The following UBE2U variants were observed in gnomAD, a reference collection of about 807,000 sequenced individuals.
The protein encoded by UBE2U is ubiquitin conjugating enzyme E2 U.
Under a neutral mutation model 41.2 loss-of-function variants are expected in UBE2U, and 39 were observed. The observed-to-expected ratio is 0.95, with a 90% CI of 0.73 to 1.24. The LOEUF (loss-of-function observed/expected upper bound fraction) is 1.24. Among genes scored for constraint, UBE2U ranks in the 50% most tolerant of loss-of-function variants. The pLI, the probability that UBE2U is intolerant of heterozygous loss-of-function variation, is 0.00. For missense variants in UBE2U, 336 were observed against 363.1 expected (o/e 0.93, Z 0.61); for synonymous variants, 107 against 117.8 (o/e 0.91, Z 0.60).
At chr1:64,221,370 C>T (rs924196981) in intron 6 of UBE2U, among the ~76,000 whole-genome samples, 1 of 152,152 alleles carries the variant, frequency 6.6e-6, no homozygotes, top group Non-Finnish European at 1.5e-5. Flanking sequence ...GCCTCGGCCT[C>T]CCAAAGTGCT....
chr1:64,240,616 A>C (rs1311379453), intron 7 of UBE2U, among the ~76,000 whole-genome samples: 1 of 152,212 alleles, frequency 6.6e-6, no homozygotes, highest in African/African-American at 2.4e-5. Flanking sequence ...CAAGGTCTTT[A>C]ATGTCATTTC....
chr1:64,227,422 C>T (rs825178), intron 6 of UBE2U, among the ~76,000 whole-genome samples: 47,098 of 152,066 alleles, frequency 0.31, 7,620 homozygotes, highest in Middle Eastern at 0.41. Flanking sequence ...TTAGCAAAGA[C>T]TCATGGTATA....
chr1:64,251,183 T>C (rs1462845887), intron 8 of UBE2U, among the ~76,000 whole-genome samples: 1 of 150,720 alleles, frequency 6.6e-6, no homozygotes, highest in Non-Finnish European at 1.5e-5. Flanking sequence ...AATCTAAATA[T>C]ATATATAACA....
intron 9 of UBE2U, among the ~76,000 whole-genome samples, chr1:64,263,801 G>T (rs535678893): frequency 6.6e-6 from 1 of 152,248 alleles, no homozygotes; most frequent in African/African-American, 2.4e-5. Context: ...GGCATGGCGG[G>T]TTCCTCAGAT....
chr1:64,225,090 T>C (rs1303054654), intron 6 of UBE2U, among the ~76,000 whole-genome samples: 1 of 152,178 alleles, frequency 6.6e-6, no homozygotes, highest in Non-Finnish European at 1.5e-5. Flanking sequence ...CTAGTAATAA[T>C]GGTACTGATT....
At chr1:64,208,485 G>T (rs1569946506) in intron 3 of UBE2U, among the ~76,000 whole-genome samples, 1 of 151,420 alleles carries the variant, frequency 6.6e-6, no homozygotes, top group South Asian at 2.1e-4. Context: ...TGTGCCTGTA[G>T]TCCCAGCTAC....
intron 5 of UBE2U, among the ~76,000 whole-genome samples, chr1:64,215,778 C>T (rs1162084884): frequency 6.6e-6 from 1 of 152,192 alleles, no homozygotes; most frequent in Non-Finnish European, 1.5e-5. Flanking sequence ...CCAGCAGCCT[C>T]GTTATGACTC....
chr1:64,206,685 A>G, intron 2 of UBE2U, 79 bp from the exon 3 acceptor site: 1 of 846,756 alleles, frequency 1.2e-6, no homozygotes, highest in East Asian at 2.7e-5. Flanking sequence ...AACCATAGGG[A>G]GAAACTCCAG....
chr1:64,254,583 C>T (rs916781266), intron 8 of UBE2U, among the ~76,000 whole-genome samples: 2 of 152,090 alleles, frequency 1.3e-5, no homozygotes, highest in Non-Finnish European at 2.9e-5. Flanking sequence ...CAAATTAGAA[C>T]TCAAGATTAA....
rs1383435960 is a variant in UBE2U at position 64,260,693 on chromosome 1, A to T, written c.768A>T (p.Leu256=). 2.6e-6 allele frequency: 4 copies of T among 1,547,068 alleles called. No homozygotes were observed. In the East Asian group the frequency reaches 9.8e-5, roughly 38 times the overall value. ...AAGAAATTAAGCTCTGCCCAACTCT[A>T]AGTAAATCGATTCACTCTATTTGTT... The part of the protein sequence containing the change: ...SMEEIKLCPT[L]NEIFLESPTA... Residue 256 remains leucine, a splice_region_variant and synonymous_variant, in exon 9 of 10, where the codon CTA becomes CTT. Coordinates refer to ENST00000371077, the MANE Select transcript of UBE2U (RefSeq NM_001366232.2).
chr1:64,259,251 A>C (rs1305614302), intron 8 of UBE2U, among the ~76,000 whole-genome samples: 1 of 152,038 alleles, frequency 6.6e-6, no homozygotes, highest in Non-Finnish European at 1.5e-5. Context: ...GGTTGCAAAA[A>C]TGTTCTCCCA....
intron 4 of UBE2U, among the ~76,000 whole-genome samples, chr1:64,212,729 G>A (rs1651735906): frequency 6.6e-6 from 1 of 152,108 alleles, no homozygotes; most frequent in African/African-American, 2.4e-5. Context: ...ATACTCCAGT[G>A]AGCATTTCCT....
chr1:64,220,892 C>T lies in UBE2U; in HGVS notation c.491C>T (p.Pro164Leu), dbSNP rs780051932. The T allele has an allele frequency of 1.2e-6, 2 of 1,604,402 alleles. No individual in the cohort carries two copies. The highest frequency in any genetic ancestry group is 1.7e-5 in the Admixed American group (1 of 57,626). The change falls in exon 6 of 10, where the codon CCA (proline) becomes CTA (leucine). Residue 164 changes from proline to leucine, a missense_variant. Transcript: ENST00000371077. ...GACAGCCAGGAGTTACCTAAAGACC[C>T]ACGTAAATGTATCAGGTAAGTTTTT... Reference protein sequence around the residue: ...KDDSQELPKDPRKCIRPIKTT... With the variant: ...KDDSQELPKDLRKCIRPIKTT...
At chr1:64,240,422 G>A (rs557968694) in intron 7 of UBE2U, among the ~76,000 whole-genome samples, 3 of 152,304 alleles carry the variant, frequency 2.0e-5, no homozygotes, top group African/African-American at 7.2e-5. Context: ...TGCTCCAGAG[G>A]TTAGAACTAA....
intron 7 of UBE2U, among the ~76,000 whole-genome samples, chr1:64,239,181 G>GAAGAAGAAGAAGA (rs1557731495): frequency 1.5e-5 from 2 of 134,618 alleles, no homozygotes; most frequent in Admixed American, 7.5e-5. Flanking sequence ...AGAAGAAGAA[G>GAAGAAGAAGAAGA]AAGAAGAAGA....
intron 8 of UBE2U, among the ~76,000 whole-genome samples, chr1:64,254,123 G>GAT (rs1220445490): frequency 6.6e-6 from 1 of 151,960 alleles, no homozygotes; most frequent in Admixed American, 6.6e-5. Flanking sequence ...CCTAGTTTCT[G>GAT]AAAACAGACT....
At chr1:64,239,156 GAA>G (rs36057587) in intron 7 of UBE2U, among the ~76,000 whole-genome samples, 571 of 28,240 alleles carry the variant, frequency 0.02, 22 homozygotes, top group Admixed American at 0.031. Context: ...AGAAGAAGAA[GAA>G]AGAAGAAGAA....
rs968525288 is a variant in UBE2U, at chr1:64,203,894, T to C, written c.-157T>C. ...AAAAGTCATTGTTATATCCCAACTTTAGAAGCCGCTTATCTTGGTACCGTT... is the reference window on the plus strand; with the variant it reads ...AAAAGTCATTGTTATATCCCAACTTCAGAAGCCGCTTATCTTGGTACCGTT... On this transcript the variant is annotated 5_prime_UTR_variant, in exon 1 of 10. An upstream open reading frame in the 5' UTR loses its in-frame stop. Coordinates refer to ENST00000371077, the MANE Select transcript of UBE2U (RefSeq NM_001366232.2). 10 of 503,636 alleles carry C rather than the reference T, an allele frequency of 2.0e-5. No homozygotes were observed. Among genetic ancestry groups the C allele is most frequent in the African/African-American group, 2.0e-4 (10 of 50,810 alleles). 31.2% of individuals were successfully genotyped at this position (503,636 alleles called of 1,614,324 possible). A position where few individuals can be genotyped will look rare whatever the true frequency, so the allele number is the denominator to read the frequency against.
chr1:64,251,059 A>G (rs1337870369), intron 8 of UBE2U, among the ~76,000 whole-genome samples: 1 of 152,034 alleles, frequency 6.6e-6, no homozygotes, highest in African/African-American at 2.4e-5. Flanking sequence ...AACTTAAAGT[A>G]TAATAAAAAA....
Sources: gnomAD v4.1 joint callset for allele counts (sites outside exome capture counted in the v4.1 genomes callset) on GRCh38, gnomAD v4.1.1 for gene constraint, MANE v1.5 for transcripts, NCBI Gene and HGNC (gene_info 2026-07-23, HGNC 2026-07-21) for gene names.